SHISA6: variants seen among roughly 807,000 people sequenced by gnomAD.
The protein encoded by SHISA6 is protein shisa-6.
In SHISA6, 22 loss-of-function variants were observed where a neutral mutation model predicts 47.9. The ratio of observed to expected loss-of-function variants is 0.46; its 90% CI spans 0.33 to 0.66. The LOEUF (loss-of-function observed/expected upper bound fraction) is 0.66, where lower values mean the gene tolerates loss of function less well. Ranked by LOEUF, SHISA6 falls within the 30% of genes least tolerant of loss-of-function variation. SHISA6 has a pLI of 0.02. For synonymous variants in SHISA6, 388 were observed against 337.8 expected, an observed-to-expected ratio of 1.15 and a Z score of -1.63; for missense variants, 680 against 764.6, an observed-to-expected ratio of 0.89 and a Z score of 1.30.
intron 2 of SHISA6, among the ~76,000 whole-genome samples, chr17:11,333,352 G>A (rs537714511): frequency 3.1e-4 from 47 of 152,184 alleles, no homozygotes; most frequent in African/African-American, 9.4e-4. Flanking sequence ...TAGCTCCAGC[G>A]TGGGGCAGTT....
At chr17:11,256,517 A>G (rs1463647703) in intron 1 of SHISA6, among the ~76,000 whole-genome samples, 2 of 151,520 alleles carry the variant, frequency 1.3e-5, no homozygotes, top group South Asian at 4.2e-4. Context: ...CAAAACAACA[A>G]CGCCAACAAT....
Position 11,242,059 on chromosome 17 carries a change from A to C in SHISA6, c.637A>C (p.Arg213=). Residue 213 remains arginine, a splice_region_variant and synonymous_variant, in exon 1 of 6, where the codon AGG becomes CGG. Transcript: ENST00000441885. ...HRPPREMNIH[R]ALADILRQQG... ...CCCTCCACGGGAGATGAACATCCAC[A>C]GGTGAGAGCGCCGCGTGCCGCGCGC... The C allele has an allele frequency of 6.5e-7, 1 of 1,550,268 alleles. No individual in the cohort carries two copies. The highest frequency in any genetic ancestry group is 8.7e-7 in the Non-Finnish European group (1 of 1,146,990).
At chr17:11,521,439 T>C (rs751524476) in intron 3 of SHISA6, among the ~76,000 whole-genome samples, 4 of 152,164 alleles carry the variant, frequency 2.6e-5, no homozygotes, top group Non-Finnish European at 5.9e-5. Context: ...TTGCTGGCTA[T>C]AAAGTTTTAG....
intron 2 of SHISA6, among the ~76,000 whole-genome samples, chr17:11,277,272 TCTCTCTCTCA>T (rs1336731240): frequency 2.3e-3 from 156 of 68,740 alleles, no homozygotes; most frequent in East Asian, 5.8e-3. Flanking sequence ...TCTCTCTCTC[TCTCTCTCTCA>T]CACACACACA....
chr17:11,338,817 C>G (rs1911416499), intron 2 of SHISA6, among the ~76,000 whole-genome samples: 2 of 152,126 alleles, frequency 1.3e-5, no homozygotes, highest in South Asian at 4.1e-4. Flanking sequence ...CTTGCTTCCT[C>G]ACAGATTACT....
intron 3 of SHISA6, among the ~76,000 whole-genome samples, chr17:11,511,397 AC>A (rs1161965998): frequency 6.6e-6 from 1 of 152,132 alleles, no homozygotes; most frequent in Non-Finnish European, 1.5e-5. Flanking sequence ...GCACATGTAT[AC>A]CTGTGTAACA....
At chr17:11,476,272 T>C (rs1346695495) in intron 3 of SHISA6, among the ~76,000 whole-genome samples, 1 of 152,054 alleles carries the variant, frequency 6.6e-6, no homozygotes, top group East Asian at 1.9e-4. Flanking sequence ...TTATTTCCTA[T>C]TTTTAATTTC....
At chr17:11,361,121 C>T (rs750855137) in intron 2 of SHISA6, among the ~76,000 whole-genome samples, 25 of 151,474 alleles carry the variant, frequency 1.7e-4, no homozygotes, top group Non-Finnish European at 2.5e-4. Flanking sequence ...CATAGCCTTA[C>T]GTCATATCTA....
At chr17:11,468,368 T>C (rs1915860014) in intron 3 of SHISA6, among the ~76,000 whole-genome samples, 1 of 151,930 alleles carries the variant, frequency 6.6e-6, no homozygotes, top group African/African-American at 2.4e-5. Flanking sequence ...CCAGATTTTG[T>C]AAGCAAGCAG....
intron 3 of SHISA6, among the ~76,000 whole-genome samples, chr17:11,546,544 G>T (rs1259937866): frequency 2.0e-5 from 3 of 152,180 alleles, no homozygotes; most frequent in African/African-American, 7.2e-5. Context: ...AGTTTATCAG[G>T]CAAGTGCAAA....
chr17:11,247,775 CTTTT>C (rs1248779153), intron 1 of SHISA6, among the ~76,000 whole-genome samples: 2 of 134,560 alleles, frequency 1.5e-5, no homozygotes, highest in Non-Finnish European at 1.6e-5. Flanking sequence ...TGGCGTCTTT[CTTTT>C]TTTTTTTTTT....
chr17:11,499,548 A>G (rs1326811619), intron 3 of SHISA6, among the ~76,000 whole-genome samples: 3 of 152,192 alleles, frequency 2.0e-5, no homozygotes, highest in Non-Finnish European at 4.4e-5. Flanking sequence ...ACTTTATGCT[A>G]AAGTGTTAAT....
Position 11,558,662 on chromosome 17 carries a change from A to T in SHISA6, c.*358A>T. 3.2e-6 allele frequency: 1 copy of T among 317,278 alleles called. No individual in the cohort carries two copies. The allele number at this position is 317,278 out of a possible 1,614,324, so 19.7% of individuals were successfully genotyped here. On this transcript the variant is annotated 3_prime_UTR_variant, in exon 6 of 6. Coordinates refer to ENST00000441885, the MANE Select transcript of SHISA6 (RefSeq NM_207386.4). ...ACTCAGCTGCAGGTTCTGTCAGCAGAGAGACCCTTGCTTGACTGTGGTCTG... is the reference window on the plus strand; with the variant it reads ...ACTCAGCTGCAGGTTCTGTCAGCAGTGAGACCCTTGCTTGACTGTGGTCTG...
At chr17:11,321,775 A>G (rs922457086) in intron 2 of SHISA6, among the ~76,000 whole-genome samples, 6 of 152,036 alleles carry the variant, frequency 3.9e-5, no homozygotes, top group East Asian at 1.9e-4. Context: ...AGCTTGTCCA[A>G]CCTGTGGCCC....
Position 11,533,639 on chromosome 17 carries a change from C to T in SHISA6, c.896-18257C>T, listed in dbSNP as rs992825263. On this transcript the variant is annotated intron_variant, in intron 3 of 5. Coordinates refer to ENST00000441885, the MANE Select transcript of SHISA6 (RefSeq NM_207386.4). Reference sequence around the variant, plus strand: ...ATGGAGTCTCGCTCTGTCTCCCAGCCTGGAGTGCACTGGCACCATCTCGGC... The same window carrying T: ...ATGGAGTCTCGCTCTGTCTCCCAGCTTGGAGTGCACTGGCACCATCTCGGC... Among the ~76,000 whole-genome samples the T allele has an allele frequency of 2.8e-5, 4 of 141,352 alleles. No individual in the cohort carries two copies. In the South Asian group the frequency reaches 9.3e-4, roughly 33 times the overall value. The allele number at this position is 141,352 out of a possible 152,430, so 92.7% of individuals were successfully genotyped here.
Position 11,561,765 on chromosome 17 carries a change from A to G in SHISA6, c.*3461A>G, listed in dbSNP as rs1219644092. Reference sequence around the variant, plus strand: ...AATTTCTTTTCCCTGGTCTTGCTATAATCTCCAGCTCTAAAAATCAGAGCT... The same window carrying G: ...AATTTCTTTTCCCTGGTCTTGCTATGATCTCCAGCTCTAAAAATCAGAGCT... On this transcript the variant is annotated 3_prime_UTR_variant, in exon 6 of 6. Transcript: ENST00000441885. The G allele has an allele frequency of 6.6e-6, 1 of 152,100 alleles. No homozygotes were observed. The highest frequency in any genetic ancestry group is 1.5e-5 in the Non-Finnish European group (1 of 68,042). The allele number at this position is 152,100 out of a possible 1,614,324, so 9.4% of individuals were successfully genotyped here.
At chr17:11,458,927 C>A (rs1273377937) in intron 3 of SHISA6, among the ~76,000 whole-genome samples, 3 of 151,924 alleles carry the variant, frequency 2.0e-5, no homozygotes, top group Non-Finnish European at 4.4e-5. Flanking sequence ...CATTATGGGC[C>A]GGGCATGGTG....
intron 3 of SHISA6, among the ~76,000 whole-genome samples, chr17:11,476,612 T>G (rs919899971): frequency 5.9e-5 from 9 of 151,842 alleles, no homozygotes; most frequent in Non-Finnish European, 1.3e-4. Flanking sequence ...GATTTCAAGT[T>G]TAATTCCATT....
At chr17:11,404,630 C>G (rs1176481776) in intron 3 of SHISA6, among the ~76,000 whole-genome samples, 1 of 152,098 alleles carries the variant, frequency 6.6e-6, no homozygotes, top group Admixed American at 6.5e-5. Flanking sequence ...CACAGGGACT[C>G]CTGAACAGGT....
Sources: allele counts gnomAD v4.1 joint callset (sites outside exome capture counted in the v4.1 genomes callset), GRCh38; gene constraint gnomAD v4.1.1; transcripts MANE v1.5; gene names NCBI Gene and HGNC (gene_info 2026-07-23, HGNC 2026-07-21).